The following FAM114A1 variants were observed in gnomAD, a reference collection of about 807,000 sequenced individuals.
FAM114A1 encodes protein NOXP20.
Under a neutral mutation model 64.3 loss-of-function variants are expected in FAM114A1, and 62 were observed. That is an observed-to-expected ratio of 0.96 (90% CI 0.79 to 1.19). The LOEUF (loss-of-function observed/expected upper bound fraction) is 1.19, where lower values mean the gene tolerates loss of function less well. Ranked by LOEUF, FAM114A1 falls within the 50% of genes most tolerant of loss-of-function variation. The probability of loss-of-function intolerance (pLI) is 0.00; values close to 1 mark genes in which losing one functional copy is unlikely to be tolerated. For synonymous variants in FAM114A1, 254 were observed against 251.1 expected (o/e 1.01, Z -0.11); for missense variants, 645 against 676.3 (o/e 0.95, Z 0.51).
chr4:38,912,595 G>A (rs753032897), intron 7 of FAM114A1, among the ~76,000 whole-genome samples: 2 of 152,134 alleles, frequency 1.3e-5, no homozygotes, highest in Non-Finnish European at 2.9e-5. Context: ...TATTGGCCAG[G>A]CTGGTCTTGA....
At chr4:38,931,715 T>C in intron 11 of FAM114A1, 103 bp downstream of exon 11, 1 of 1,257,556 alleles carries the variant, frequency 8.0e-7, no homozygotes, top group South Asian at 1.7e-5. Flanking sequence ...TTTCATTTGT[T>C]CCGTGTTATA....
intron 8 of FAM114A1, among the ~76,000 whole-genome samples, chr4:38,916,789 C>T (rs1719090813): frequency 6.6e-6 from 1 of 152,096 alleles, no homozygotes. Context: ...GCACATGTAT[C>T]CCAGAACTTA....
intron 3 of FAM114A1, among the ~76,000 whole-genome samples, chr4:38,891,417 G>A (rs1174984278): frequency 1.3e-5 from 2 of 152,156 alleles, no homozygotes; most frequent in East Asian, 3.9e-4. Context: ...TCCCTCTTGT[G>A]CCCTCATGCG....
At chr4:38,927,693 T>C (rs1441735758) in intron 9 of FAM114A1, among the ~76,000 whole-genome samples, 1 of 152,212 alleles carries the variant, frequency 6.6e-6, no homozygotes, top group Non-Finnish European at 1.5e-5. Flanking sequence ...TTATTTTGTT[T>C]TGTTTTTTGA....
chr4:38,944,127 G>A lies in FAM114A1; in HGVS notation c.*570G>A, dbSNP rs1445523482. 7.0e-6 allele frequency: 1 copy of A among 141,850 alleles called. No individual in the cohort carries two copies. Among genetic ancestry groups the A allele is most frequent in the Non-Finnish European group, 1.5e-5 (1 of 66,838 alleles). The allele number at this position is 141,850 out of a possible 1,614,324, so 8.8% of individuals were successfully genotyped here. A position where few individuals can be genotyped will look rare whatever the true frequency, so the allele number is the denominator to read the frequency against. On this transcript the variant is annotated 3_prime_UTR_variant, in exon 15 of 15. Transcript: ENST00000358869. ...CTCTGTCGCCAGGCTGGAGTGCGTT[G>A]GCACAATCTCGGCTCACTGCAACCT...
chr4:38,904,855 C>T (rs1320937929), intron 4 of FAM114A1, among the ~76,000 whole-genome samples: 1 of 152,198 alleles, frequency 6.6e-6, no homozygotes, highest in Non-Finnish European at 1.5e-5. Flanking sequence ...TATACAAAGA[C>T]TGTGTTGAGC....
intron 8 of FAM114A1, among the ~76,000 whole-genome samples, chr4:38,917,077 G>A (rs1037532744): frequency 7.9e-5 from 12 of 151,892 alleles, no homozygotes; most frequent in African/African-American, 2.9e-4. Context: ...GCCGAGGTGG[G>A]CAGATCACCT....
chr4:38,889,834 A>T (rs1427915175), intron 3 of FAM114A1, among the ~76,000 whole-genome samples: 1 of 152,132 alleles, frequency 6.6e-6, no homozygotes, highest in Non-Finnish European at 1.5e-5. Context: ...TCTCTCACTT[A>T]ATACAAAGAA....
chr4:38,869,478 G>C (rs1049437649), intron 2 of FAM114A1, among the ~76,000 whole-genome samples: 2 of 152,188 alleles, frequency 1.3e-5, no homozygotes, highest in African/African-American at 4.8e-5. Flanking sequence ...AGTTGCAAGA[G>C]GTGGAGAGAG....
chr4:38,917,348 A>AT (rs397974215), intron 8 of FAM114A1, among the ~76,000 whole-genome samples: 1 of 151,592 alleles, frequency 6.6e-6, no homozygotes, highest in Non-Finnish European at 1.5e-5. Context: ...AAAAAAAAAA[A>AT]GGCAAGGTCT....
intron 7 of FAM114A1, among the ~76,000 whole-genome samples, chr4:38,914,236 A>G (rs1718825832): frequency 6.6e-6 from 1 of 151,762 alleles, no homozygotes; most frequent in Non-Finnish European, 1.5e-5. Flanking sequence ...CATACATAAA[A>G]CTCGCTCATT....
chr4:38,886,617 A>G (rs1406802546), intron 3 of FAM114A1, among the ~76,000 whole-genome samples: 1 of 151,994 alleles, frequency 6.6e-6, no homozygotes, highest in Middle Eastern at 3.2e-3. Context: ...TGTAACCTAT[A>G]TAGAAAGCAT....
intron 4 of FAM114A1, among the ~76,000 whole-genome samples, chr4:38,899,337 G>A (rs1314522352): frequency 6.6e-6 from 1 of 152,146 alleles, no homozygotes; most frequent in Non-Finnish European, 1.5e-5. Flanking sequence ...TTAATCCACA[G>A]CACCGGGCCT....
At chr4:38,889,885 G>A (rs191422796) in intron 3 of FAM114A1, among the ~76,000 whole-genome samples, 258 of 152,230 alleles carry the variant, frequency 1.7e-3, no homozygotes, top group African/African-American at 5.9e-3. Flanking sequence ...GTAGCTCAGC[G>A]GAGCCAGGAC....
At chr4:38,891,438 C>T (rs376976764) in intron 3 of FAM114A1, among the ~76,000 whole-genome samples, 14 of 152,100 alleles carry the variant, frequency 9.2e-5, no homozygotes, top group Admixed American at 5.9e-4. Flanking sequence ...TATCTTTTTC[C>T]CATGCAGCCT....
At chr4:38,922,014 T>C (rs1719644768) in intron 8 of FAM114A1, among the ~76,000 whole-genome samples, 1 of 152,230 alleles carries the variant, frequency 6.6e-6, no homozygotes, top group African/African-American at 2.4e-5. Context: ...CGATCTCGGC[T>C]CACTGCAAAC....
chr4:38,920,711 T>G (rs34899546), intron 8 of FAM114A1, among the ~76,000 whole-genome samples: 17,532 of 152,274 alleles, frequency 0.12, 1,454 homozygotes, highest in East Asian at 0.39. Context: ...TAATTAATGT[T>G]AGAAAACTGC....
intron 14 of FAM114A1, among the ~76,000 whole-genome samples, chr4:38,943,069 C>G (rs1389446385): frequency 1.3e-5 from 2 of 151,800 alleles, no homozygotes; most frequent in Non-Finnish European, 2.9e-5. Flanking sequence ...GGTGCACGCC[C>G]GTAGTCCCAG....
chr4:38,888,352 T>C (rs1716014063), intron 3 of FAM114A1, among the ~76,000 whole-genome samples: 1 of 152,008 alleles, frequency 6.6e-6, no homozygotes, highest in Admixed American at 6.6e-5. Flanking sequence ...ATCCTGTCTC[T>C]ACAAAAAATA....
Sources: gnomAD v4.1 joint callset for allele counts (sites outside exome capture counted in the v4.1 genomes callset) on GRCh38, gnomAD v4.1.1 for gene constraint, MANE v1.5 for transcripts, NCBI Gene and HGNC (gene_info 2026-07-23, HGNC 2026-07-21) for gene names.